The following INTU variants were observed in gnomAD, a reference collection of about 807,000 sequenced individuals.
INTU encodes protein inturned.
Under a neutral mutation model 100.5 loss-of-function variants are expected in INTU, and 68 were observed. The observed-to-expected ratio is 0.68, with a 90% CI of 0.56 to 0.83. INTU has a LOEUF of 0.83. Ranked by LOEUF, INTU falls within the 40% of genes least tolerant of loss-of-function variation. The probability of loss-of-function intolerance (pLI) is 0.00; values close to 1 mark genes in which losing one functional copy is unlikely to be tolerated. For missense variants in INTU, 1,071 were observed against 1,114.7 expected (o/e 0.96, Z 0.56); for synonymous variants, 357 against 395.7 (o/e 0.90, Z 1.16).
At chr4:127,654,977 C>T (rs1169250496) in intron 2 of INTU, among the ~76,000 whole-genome samples, 1 of 150,956 alleles carries the variant, frequency 6.6e-6, no homozygotes, top group Non-Finnish European at 1.5e-5. Context: ...TTCATTTCAT[C>T]TTCCATTGCT....
At chr4:127,707,044 A>G (rs765582502) in intron 12 of INTU, 75 bp downstream of exon 12, 1 of 1,472,260 alleles carries the variant, frequency 6.8e-7, no homozygotes, top group Non-Finnish European at 9.1e-7. Flanking sequence ...ATTGCAAGAC[A>G]TTTTTTTAGT....
chr4:127,663,686 G>A (rs1728577218), intron 4 of INTU, 102 bp downstream of exon 4: 1 of 835,182 alleles, frequency 1.2e-6, no homozygotes, highest in Non-Finnish European at 1.9e-6. Flanking sequence ...GAGTATATTT[G>A]ATTTAAGCAA....
chr4:127,655,917 A>G (rs11098932), intron 2 of INTU, among the ~76,000 whole-genome samples: 24,222 of 151,704 alleles, frequency 0.16, 2,310 homozygotes, highest in Middle Eastern at 0.33. Flanking sequence ...GCGGGATATA[A>G]TCTCGTGGTG....
At position 127,687,670 on chromosome 4, in the gene INTU, T is replaced by G. The variant is rs1729886381; in HGVS notation, c.1260-8T>G. On this transcript the variant is annotated splice_region_variant and splice_polypyrimidine_tract_variant and intron_variant, in intron 7 of 15. Transcript: ENST00000335251. ...TGTCGTTCTAACTTACAGCTCTTAT[T>G]TCTCCAGTGCCTTTTGCCAGATTGA... 1 of 1,601,536 alleles carries G rather than the reference T, an allele frequency of 6.2e-7. No homozygotes were observed. The highest frequency in any genetic ancestry group is 8.5e-7 in the Non-Finnish European group (1 of 1,170,240).
In INTU at chr4:127,665,137, CTA is replaced by C. The variant is rs1237390392; in HGVS notation, c.972+1555_972+1556del. Among the ~76,000 whole-genome samples, 5 of 150,912 alleles carry C rather than the reference CTA, an allele frequency of 3.3e-5. No homozygotes were observed. In the South Asian group the frequency reaches 6.2e-4, roughly 19 times the overall value. ...TGCTATTGTCATCAATATTTTAGTG[CTA>C]TCTCTTTTCTCCATCATCTATAATT... On this transcript the variant is annotated intron_variant, in intron 4 of 15. Coordinates refer to ENST00000335251, the MANE Select transcript of INTU (RefSeq NM_015693.4).
At chr4:127,646,917 T>G (rs1218583613) in intron 2 of INTU, among the ~76,000 whole-genome samples, 1 of 152,218 alleles carries the variant, frequency 6.6e-6, no homozygotes, top group African/African-American at 2.4e-5. Context: ...TAACTGCTTT[T>G]CAAAAACCAG....
intron 2 of INTU, among the ~76,000 whole-genome samples, chr4:127,654,530 T>C (rs1218036923): frequency 5.9e-5 from 9 of 152,200 alleles, no homozygotes; most frequent in Non-Finnish European, 1.3e-4. Flanking sequence ...TTCTTTTCTT[T>C]AAGAATGTTG....
At chr4:127,648,221 T>C (rs1217703615) in intron 2 of INTU, among the ~76,000 whole-genome samples, 1 of 152,160 alleles carries the variant, frequency 6.6e-6, no homozygotes, top group Non-Finnish European at 1.5e-5. Context: ...AGAAAGACCT[T>C]TCCTTGGGTT....
intron 1 of INTU, among the ~76,000 whole-genome samples, chr4:127,634,531 A>G (rs1480306855): frequency 6.6e-6 from 1 of 152,226 alleles, no homozygotes; most frequent in Non-Finnish European, 1.5e-5. Flanking sequence ...GAAATGACCA[A>G]TCTGAGGACC....
intron 3 of INTU, 52 bp from the exon 4 acceptor site, chr4:127,663,329 G>A: frequency 7.5e-7 from 1 of 1,333,798 alleles, no homozygotes; most frequent in Non-Finnish European, 1.1e-6. Flanking sequence ...TGTGAAAACT[G>A]CAGCTGATTT....
chr4:127,656,645 T>C lies in INTU; in HGVS notation c.692T>C (p.Leu231Pro). ...KSGQVLIGDV[L>P]VAVNDVDVTT... The stretch of plus-strand genomic sequence containing the variant: ...GTTATTCTGGTTTCAGGTGATGTCC[T>C]TGTTGCTGTGAATGATGTCGATGTT... Residue 231 changes from leucine to proline, a missense_variant, in exon 3 of 16, where the codon CTT (leucine) becomes CCT (proline). Transcript: ENST00000335251. 1 of 1,609,010 alleles carries C rather than the reference T, an allele frequency of 6.2e-7. No individual in the cohort carries two copies. The highest frequency in any genetic ancestry group is 8.5e-7 in the Non-Finnish European group (1 of 1,175,946).
intron 9 of INTU, among the ~76,000 whole-genome samples, chr4:127,701,530 T>C (rs1008801270): frequency 3.3e-5 from 5 of 152,204 alleles, no homozygotes; most frequent in Admixed American, 1.3e-4. Context: ...GTGATAATGG[T>C]ATGATTATAT....
At chr4:127,698,819 G>C (rs972683561) in intron 8 of INTU, among the ~76,000 whole-genome samples, 1 of 152,130 alleles carries the variant, frequency 6.6e-6, no homozygotes, top group Non-Finnish European at 1.5e-5. Context: ...GCAACTCATT[G>C]AACAGTTTCT....
Position 127,688,049 on chromosome 4 carries a change from A to G in INTU, c.1449+182A>G, listed in dbSNP as rs567493333. 2.0e-5 allele frequency among the ~76,000 whole-genome samples: 3 copies of G among 152,314 alleles called. No individual in the cohort carries two copies. In the South Asian group the frequency reaches 6.2e-4, roughly 32 times the overall value. ...CCAGAAAGAGAAATTATCCTTTATAAGTAGAAATTAGCTCTCTCCTCTTAC... is the reference window on the plus strand; with the variant it reads ...CCAGAAAGAGAAATTATCCTTTATAGGTAGAAATTAGCTCTCTCCTCTTAC... On this transcript the variant is annotated intron_variant, in intron 8 of 15. Coordinates refer to ENST00000335251, the MANE Select transcript of INTU (RefSeq NM_015693.4).
At chr4:127,646,464 GAAC>G (rs1373419065) in intron 2 of INTU, among the ~76,000 whole-genome samples, 1 of 152,102 alleles carries the variant, frequency 6.6e-6, no homozygotes, top group Non-Finnish European at 1.5e-5. Context: ...CTTCCATCAG[GAAC>G]AACATATTAT....
chr4:127,682,084 G>C (rs1002661596), intron 6 of INTU, among the ~76,000 whole-genome samples: 72 of 151,734 alleles, frequency 4.7e-4, no homozygotes, highest in Admixed American at 1.6e-3. Context: ...GAATGGCAAT[G>C]ATTAAAAAGT....
At chr4:127,641,794 A>G (rs1009861183) in intron 1 of INTU, among the ~76,000 whole-genome samples, 2 of 152,170 alleles carry the variant, frequency 1.3e-5, no homozygotes, top group African/African-American at 4.8e-5. Flanking sequence ...TTGCTCCACA[A>G]TTGAATGCCA....
At position 127,719,521 on chromosome 4, in the gene INTU, C is replaced by G. The variant is rs993740713; in HGVS notation, c.*3085C>G. 6.6e-6 allele frequency: 1 copy of G among 152,106 alleles called. No homozygotes were observed. Among genetic ancestry groups the G allele is most frequent in the Admixed American group, 6.6e-5 (1 of 15,260 alleles). 9.4% of individuals were successfully genotyped at this position (152,106 alleles called of 1,614,324 possible). The stretch of plus-strand genomic sequence containing the variant: ...TAGAATGAGTTAGGGAGGAGTCTCT[C>G]CTTTTCATTTGTTTGGAATAGTTTC... On this transcript the variant is annotated 3_prime_UTR_variant, in exon 16 of 16. Transcript: ENST00000335251.
chr4:127,686,358 A>G (rs1729825466), intron 7 of INTU: 1 of 152,272 alleles, frequency 6.6e-6, no homozygotes, highest in African/African-American at 2.4e-5. Flanking sequence ...GCTATCTCTC[A>G]CACACTACAG....
Sources: gnomAD v4.1 joint callset for allele counts (sites outside exome capture counted in the v4.1 genomes callset) on GRCh38, gnomAD v4.1.1 for gene constraint, MANE v1.5 for transcripts, NCBI Gene and HGNC (gene_info 2026-07-23, HGNC 2026-07-21) for gene names.